CNTN4: variants seen among roughly 807,000 people sequenced by gnomAD.
CNTN4 encodes contactin 4.
CNTN4 carries 77 observed loss-of-function variants against 122.5 expected under a neutral mutation model. The observed-to-expected ratio is 0.63, with a 90% CI of 0.52 to 0.76. The LOEUF (loss-of-function observed/expected upper bound fraction) is 0.76. Among genes scored for constraint, CNTN4 ranks in the 30% least tolerant of loss-of-function variants. CNTN4 has a pLI of 0.00. For missense variants in CNTN4, 1,256 were observed against 1,259.1 expected (o/e 1.00, Z 0.04); for synonymous variants, 512 against 447.0 (o/e 1.15, Z -1.83).
At chr3:2,950,719 C>T (rs2094731559) in intron 13 of CNTN4, among the ~76,000 whole-genome samples, 1 of 152,186 alleles carries the variant, frequency 6.6e-6, no homozygotes, top group South Asian at 2.1e-4. Context: ...AAAAGATATC[C>T]CAGCATTCTT....
Position 2,896,289 on chromosome 3 carries a change from G to T in CNTN4, c.941-4396G>T, listed in dbSNP as rs9818647. 1.8e-3 allele frequency among the ~76,000 whole-genome samples: 280 copies of T among 152,184 alleles called. 2 individuals carry two copies. Among genetic ancestry groups the T allele is most frequent in the African/African-American group, 6.1e-3 (252 of 41,526 alleles). ...TACAAAGCAAGGCTGCAGCAAGGAA[G>T]CAGCCTTGCGTTGTGTTAAATATTG... On this transcript the variant is annotated intron_variant, in intron 10 of 24. Coordinates refer to ENST00000418658, the MANE Select transcript of CNTN4 (RefSeq NM_175607.3).
At chr3:2,402,392 T>C (rs1395399747) in intron 3 of CNTN4, among the ~76,000 whole-genome samples, 1 of 152,106 alleles carries the variant, frequency 6.6e-6, no homozygotes, top group African/African-American at 2.4e-5. Context: ...CCATCTCTGA[T>C]TTTTTATTTT....
intron 3 of CNTN4, among the ~76,000 whole-genome samples, chr3:2,456,960 C>G (rs900730722): frequency 6.6e-6 from 1 of 152,076 alleles, no homozygotes; most frequent in Non-Finnish European, 1.5e-5. Context: ...TCTCAGAACC[C>G]TATGAGGTGA....
intron 3 of CNTN4, among the ~76,000 whole-genome samples, chr3:2,533,918 G>C (rs2077696838): frequency 1.3e-5 from 2 of 151,430 alleles, no homozygotes; most frequent in African/African-American, 2.4e-5. Flanking sequence ...CTTTTGAGAA[G>C]TGTCTGTTCA....
chr3:2,489,989 G>T (rs991771981), intron 3 of CNTN4, among the ~76,000 whole-genome samples: 1 of 152,000 alleles, frequency 6.6e-6, no homozygotes, highest in Admixed American at 6.5e-5. Context: ...ATTGTAAATA[G>T]GGGAATGTGA....
chr3:2,205,087 G>A (rs1045308236), intron 2 of CNTN4, among the ~76,000 whole-genome samples: 2 of 151,676 alleles, frequency 1.3e-5, no homozygotes, highest in Non-Finnish European at 2.9e-5. Context: ...GTGAGAAGAG[G>A]TCATGTAAAC....
intron 3 of CNTN4, among the ~76,000 whole-genome samples, chr3:2,367,595 G>GC (rs2045443812): frequency 1.3e-5 from 2 of 152,204 alleles, no homozygotes; most frequent in Admixed American, 1.3e-4. Context: ...CACAATCTCA[G>GC]CTCACTGCAA....
chr3:2,178,261 A>C (rs753041930), intron 2 of CNTN4, among the ~76,000 whole-genome samples: 18 of 151,918 alleles, frequency 1.2e-4, no homozygotes, highest in Non-Finnish European at 2.2e-4. Context: ...ACAAAGGTAC[A>C]TACTTTTTTT....
chr3:2,483,061 A>T (rs1166853636), intron 3 of CNTN4, among the ~76,000 whole-genome samples: 2 of 152,100 alleles, frequency 1.3e-5, no homozygotes, highest in East Asian at 3.9e-4. Context: ...AGCCACAGAC[A>T]CTCAATGCCA....
At chr3:2,212,796 C>T (rs892985732) in intron 2 of CNTN4, among the ~76,000 whole-genome samples, 2 of 152,132 alleles carry the variant, frequency 1.3e-5, no homozygotes, top group Non-Finnish European at 2.9e-5. Flanking sequence ...CTTAGAGATT[C>T]TGATTTAATT....
intron 2 of CNTN4, among the ~76,000 whole-genome samples, chr3:2,205,977 A>G (rs773158615): frequency 2.6e-5 from 4 of 152,134 alleles, no homozygotes; most frequent in Non-Finnish European, 5.9e-5. Flanking sequence ...TAAAGTAGGA[A>G]GGTGGCAAAT....
intron 2 of CNTN4, among the ~76,000 whole-genome samples, chr3:2,297,167 T>G (rs1359612677): frequency 2.0e-5 from 3 of 152,340 alleles, no homozygotes; most frequent in African/African-American, 7.2e-5. Flanking sequence ...ATCAGTTTAT[T>G]ACTGAGATTT....
intron 7 of CNTN4, among the ~76,000 whole-genome samples, chr3:2,821,626 G>A (rs1159895665): frequency 1.3e-5 from 2 of 152,214 alleles, no homozygotes; most frequent in Non-Finnish European, 2.9e-5. Flanking sequence ...AACATGGAGA[G>A]ATGTGTAGGC....
chr3:2,345,253 A>G (rs553953633), intron 3 of CNTN4, among the ~76,000 whole-genome samples: 1 of 152,282 alleles, frequency 6.6e-6, no homozygotes, highest in South Asian at 2.1e-4. Flanking sequence ...TATCATTTTT[A>G]TGATTTTTTT....
intron 2 of CNTN4, among the ~76,000 whole-genome samples, chr3:2,205,512 C>T (rs1478393765): frequency 6.6e-6 from 1 of 151,904 alleles, no homozygotes; most frequent in African/African-American, 2.4e-5. Flanking sequence ...CTTCTGTATT[C>T]CTGGAACTGG....
chr3:2,493,253 A>G (rs2076366122), intron 3 of CNTN4, among the ~76,000 whole-genome samples: 1 of 152,090 alleles, frequency 6.6e-6, no homozygotes, highest in Admixed American at 6.6e-5. Context: ...CTGCTCTAAG[A>G]TAATTGACTC....
chr3:2,456,201 G>T (rs970443359), intron 3 of CNTN4, among the ~76,000 whole-genome samples: 8 of 152,010 alleles, frequency 5.3e-5, no homozygotes, highest in African/African-American at 1.9e-4. Flanking sequence ...GCCTGAATGT[G>T]AATTGACTGG....
chr3:2,745,444 G>A, intron 5 of CNTN4, 78 bp from the exon 6 acceptor site: 1 of 1,193,854 alleles, frequency 8.4e-7, no homozygotes, highest in South Asian at 1.3e-5. Context: ...GCTATTTATA[G>A]TTTTTATATA....
chr3:2,765,230 A>T (rs538981189), intron 6 of CNTN4, among the ~76,000 whole-genome samples: 1 of 152,284 alleles, frequency 6.6e-6, no homozygotes, highest in East Asian at 1.9e-4. Context: ...GAGATAGAGG[A>T]TAGGGTTTCA....
Sources: allele counts gnomAD v4.1 joint callset (sites outside exome capture counted in the v4.1 genomes callset), GRCh38; gene constraint gnomAD v4.1.1; transcripts MANE v1.5; gene names NCBI Gene and HGNC (gene_info 2026-07-23, HGNC 2026-07-21).